AGBL4: variants seen among roughly 807,000 people sequenced by gnomAD.
The protein encoded by AGBL4 is cytosolic carboxypeptidase 6.
Under a neutral mutation model 66.4 loss-of-function variants are expected in AGBL4, and 58 were observed. The observed-to-expected ratio is 0.87, with a 90% confidence interval of 0.71 to 1.09. The LOEUF (loss-of-function observed/expected upper bound fraction) is 1.09. Among genes scored for constraint, AGBL4 ranks in the 50% least tolerant of loss-of-function variants. The pLI is 0.00. For missense variants in AGBL4, 579 were observed against 631.0 expected (o/e 0.92, Z 0.88); for synonymous variants, 234 against 222.9 (o/e 1.05, Z -0.44).
At position 49,846,482 on chromosome 1, in the gene AGBL4, T is replaced by A. The variant is rs1377607738; in HGVS notation, c.157+4914A>T. On this transcript the variant is annotated intron_variant, in intron 2 of 13. Coordinates refer to ENST00000371839, the MANE Select transcript of AGBL4 (RefSeq NM_032785.4). ...TCTAGATTTGACCCAATCATACACA[T>A]GAGAAACATATGTCTTTATCAACAG... is the stretch of plus-strand genomic sequence containing the variant. 4.9e-6 allele frequency: 5 copies of A among 1,026,940 alleles called. No individual in the cohort carries two copies. The Admixed American group carries it at 1.0e-4, about 21-fold the overall frequency. The allele number at this position is 1,026,940 out of a possible 1,614,324, so 63.6% of individuals were successfully genotyped here.
At chr1:48,655,614 T>G (rs566765825) in intron 7 of AGBL4, among the ~76,000 whole-genome samples, 1 of 152,336 alleles carries the variant, frequency 6.6e-6, no homozygotes, top group South Asian at 2.1e-4. Context: ...CTGTGTTAGC[T>G]GCCTGACACA....
chr1:48,763,112 CA>C (rs1644359797), intron 6 of AGBL4, among the ~76,000 whole-genome samples: 1 of 151,886 alleles, frequency 6.6e-6, no homozygotes, highest in Non-Finnish European at 1.5e-5. Flanking sequence ...ACAACAACAA[CA>C]ACAACAACAA....
chr1:49,865,062 G>T (rs369428803), intron 1 of AGBL4, among the ~76,000 whole-genome samples: 1 of 152,186 alleles, frequency 6.6e-6, no homozygotes, highest in Non-Finnish European at 1.5e-5. Context: ...CTGCTGAAAT[G>T]TCAGCAAGTC....
In AGBL4 at chr1:49,292,502, C is replaced by A. The variant is rs1431228308; in HGVS notation, c.283-46638G>T. ...TGGGCCAATCAGAGTGCATCTTCTC[C>A]CCTCTGAGGCCCATAAAAGCCCTGG... On this transcript the variant is annotated intron_variant, in intron 3 of 13. Coordinates refer to ENST00000371839, the MANE Select transcript of AGBL4 (RefSeq NM_032785.4). Among the ~76,000 whole-genome samples the A allele has an allele frequency of 3.9e-5, 6 of 152,188 alleles. No individual in the cohort carries two copies. In the East Asian group the frequency reaches 9.6e-4, roughly 24 times the overall value.
intron 4 of AGBL4, among the ~76,000 whole-genome samples, chr1:49,133,050 T>C (rs937538297): frequency 1.3e-5 from 2 of 152,188 alleles, no homozygotes; most frequent in African/African-American, 4.8e-5. Context: ...CATGGAATAT[T>C]ATGCAGCCAT....
At chr1:49,970,713 A>ACACACG (rs1657995947) in intron 1 of AGBL4, among the ~76,000 whole-genome samples, 1 of 86,394 alleles carries the variant, frequency 1.2e-5, no homozygotes, top group Non-Finnish European at 2.1e-5. Context: ...AACAAAACAC[A>ACACACG]CACACACACA....
At chr1:49,208,121 T>C (rs1648387289) in intron 4 of AGBL4, among the ~76,000 whole-genome samples, 1 of 152,062 alleles carries the variant, frequency 6.6e-6, no homozygotes, top group Non-Finnish European at 1.5e-5. Context: ...GCCTATGAGT[T>C]AGTTATGGTG....
chr1:48,523,837 G>GTA, the AGBL4 span, among the ~76,000 whole-genome samples: 1 of 152,180 alleles, frequency 6.6e-6, no homozygotes, highest in African/African-American at 2.4e-5. Flanking sequence ...TCTAGATGGT[G>GTA]TGGCCTGCTA....
chr1:49,904,236 C>A (rs899098929), intron 1 of AGBL4, among the ~76,000 whole-genome samples: 5 of 152,080 alleles, frequency 3.3e-5, no homozygotes, highest in Non-Finnish European at 5.9e-5. Context: ...CAACTTTAGA[C>A]CTTGAAGGGT....
intron 3 of AGBL4, among the ~76,000 whole-genome samples, chr1:49,592,937 C>A (rs1209705368): frequency 6.6e-6 from 1 of 152,162 alleles, no homozygotes; most frequent in East Asian, 1.9e-4. Context: ...TAATCAAATT[C>A]AGTCTAATGT....
chr1:49,428,639 T>C (rs1645718085), intron 3 of AGBL4, among the ~76,000 whole-genome samples: 1 of 152,234 alleles, frequency 6.6e-6, no homozygotes, highest in Admixed American at 6.5e-5. Flanking sequence ...ATTCAGATTA[T>C]TAAGATGCAA....
At chr1:49,056,774 G>T (rs1430830199) in intron 4 of AGBL4, among the ~76,000 whole-genome samples, 1 of 152,024 alleles carries the variant, frequency 6.6e-6, no homozygotes, top group East Asian at 1.9e-4. Context: ...CTGTGGAGGG[G>T]GTAAAAAGTG....
intron 3 of AGBL4, among the ~76,000 whole-genome samples, chr1:49,641,370 G>T (rs766640596): frequency 3.3e-5 from 5 of 152,032 alleles, no homozygotes; most frequent in Non-Finnish European, 7.4e-5. Context: ...TCAGGGGTTT[G>T]TACAGTCATT....
chr1:49,467,820 GAAA>G (rs1418788617), intron 3 of AGBL4, among the ~76,000 whole-genome samples: 1 of 151,768 alleles, frequency 6.6e-6, no homozygotes, highest in African/African-American at 2.4e-5. Flanking sequence ...GACAAGTGCA[GAAA>G]ATTAAAAAAT....
At chr1:49,504,038 G>C (rs561433729) in intron 3 of AGBL4, among the ~76,000 whole-genome samples, 3 of 152,110 alleles carry the variant, frequency 2.0e-5, no homozygotes, top group Admixed American at 1.3e-4. Context: ...CAAATGAATT[G>C]TAATTCTCAT....
intron 2 of AGBL4, chr1:49,845,279 T>C (rs1372877329): frequency 1.2e-5 from 18 of 1,556,022 alleles, no homozygotes; most frequent in South Asian, 1.1e-4. Context: ...TTCAACCAAA[T>C]TGCCCCACTG....
At chr1:49,629,330 C>G (rs1645524760) in intron 3 of AGBL4, among the ~76,000 whole-genome samples, 1 of 152,168 alleles carries the variant, frequency 6.6e-6, no homozygotes, top group Admixed American at 6.5e-5. Context: ...AAACCATTCC[C>G]CCAACATGGC....
At chr1:48,591,153 T>C (rs1371307354) in intron 9 of AGBL4, among the ~76,000 whole-genome samples, 168 bp from the exon 10 acceptor site, 1 of 127,560 alleles carries the variant, frequency 7.8e-6, no homozygotes, top group East Asian at 2.5e-4. Flanking sequence ...TAGCAGCCAT[T>C]TGCAATGTGA....
chr1:49,927,078 C>G (rs1217498103), intron 1 of AGBL4, among the ~76,000 whole-genome samples: 1 of 152,046 alleles, frequency 6.6e-6, no homozygotes, highest in Non-Finnish European at 1.5e-5. Context: ...CACGTTTTTT[C>G]TGCCTGCAAC....
Sources: allele counts gnomAD v4.1 joint callset (sites outside exome capture counted in the v4.1 genomes callset), GRCh38; gene constraint gnomAD v4.1.1; transcripts MANE v1.5; gene names NCBI Gene and HGNC (gene_info 2026-07-23, HGNC 2026-07-21).